Variants in FBLIM1 observed in about 807,000 individuals in gnomAD.
FBLIM1 encodes the protein filamin-binding LIM protein 1.
A neutral mutation model predicts 37.4 loss-of-function variants in FBLIM1; 29 were observed. That is an observed-to-expected ratio of 0.77 (90% CI 0.58 to 1.06). The LOEUF (loss-of-function observed/expected upper bound fraction) is 1.06. Ranked by LOEUF, FBLIM1 falls within the 50% of genes least tolerant of loss-of-function variation. The probability of loss-of-function intolerance (pLI) is 0.00; values close to 1 mark genes in which losing one functional copy is unlikely to be tolerated. For synonymous variants in FBLIM1, 193 were observed against 199.0 expected, an observed-to-expected ratio of 0.97 and a Z score of 0.25; for missense variants, 449 against 505.6, an observed-to-expected ratio of 0.89 and a Z score of 1.07.
At position 15,771,542 on chromosome 1, in the gene FBLIM1, G is replaced by T. The variant is rs190831491; in HGVS notation, c.711+964G>T. On this transcript the variant is annotated intron_variant, in intron 6 of 8. Coordinates refer to ENST00000375766, the MANE Select transcript of FBLIM1 (RefSeq NM_017556.4). ...ATTACAGGTGTGAGCCACCGCACCT[G>T]GCCCCTTTTGCAGTTTATGAAGCTG... is the stretch of plus-strand genomic sequence containing the variant. 6.0e-3 allele frequency among the ~76,000 whole-genome samples: 913 copies of T among 152,070 alleles called. 13 individuals carry two copies. The highest frequency in any genetic ancestry group is 0.021 in the African/African-American group (864 of 41,484).
rs1025722992 is a variant in FBLIM1 at position 15,784,818 on chromosome 1, G to A, written c.*157G>A. ...AGCCTGTCCAGGATACAGTGGGGCT[G>A]AGCACCCCCAGGCCTTCCACTCCTC... is the stretch of plus-strand genomic sequence containing the variant. On this transcript the variant is annotated 3_prime_UTR_variant, in exon 9 of 9. Transcript: ENST00000375766. The A allele has an allele frequency of 2.4e-5, 14 of 579,590 alleles. No homozygotes were observed. The highest frequency in any genetic ancestry group is 3.7e-5 in the Non-Finnish European group (12 of 327,028). 35.9% of individuals were successfully genotyped at this position (579,590 alleles called of 1,614,324 possible). A position where few individuals can be genotyped will look rare whatever the true frequency, so the allele number is the denominator to read the frequency against.
intron 6 of FBLIM1, among the ~76,000 whole-genome samples, chr1:15,773,821 C>T (rs892233340): frequency 2.6e-5 from 4 of 151,422 alleles, no homozygotes; most frequent in African/African-American, 4.9e-5. Context: ...GAAAGTGAGA[C>T]GAGATCAAAG....
intron 3 of FBLIM1, among the ~76,000 whole-genome samples, chr1:15,766,499 G>C (rs760857116): frequency 3.9e-5 from 6 of 151,996 alleles, no homozygotes; most frequent in African/African-American, 1.4e-4. Flanking sequence ...GTTTCACCAG[G>C]GTTGCCAGGC....
rs201095982 is a variant in FBLIM1 at position 15,770,397 on chromosome 1, C to T, written c.542-12C>T. On this transcript the variant is annotated splice_polypyrimidine_tract_variant and intron_variant, in intron 5 of 8. Transcript: ENST00000375766. ...GCTGGGCTGGTGATGGCCTGTGTCT[C>T]CCCTACCCCAGACATCTGTGCCTTC... 3.7e-6 allele frequency: 6 copies of T among 1,610,696 alleles called. No individual in the cohort carries two copies. The highest frequency in any genetic ancestry group is 1.7e-5 in the Admixed American group (1 of 59,908).
intron 8 of FBLIM1, among the ~76,000 whole-genome samples, chr1:15,782,494 G>A (rs567756669): frequency 5.1e-4 from 77 of 152,138 alleles, no homozygotes; most frequent in African/African-American, 1.7e-3. Context: ...GGTTCAGTGA[G>A]GTTTCAGCCA....
At position 15,767,573 on chromosome 1, in the gene FBLIM1, G is replaced by GC. The variant is rs1230299849; in HGVS notation, c.438+16dup. The stretch of plus-strand genomic sequence containing the variant: ...CCCGCCCCCACCACAGGTACTGCCT[G>GC]CCCCCCGACCCCCAGCAATCCCTTG... On this transcript the variant is annotated intron_variant, in intron 4 of 8. Coordinates refer to ENST00000375766, the MANE Select transcript of FBLIM1 (RefSeq NM_017556.4). The GC allele has an allele frequency of 2.1e-5, 21 of 999,820 alleles. No homozygotes were observed. The highest frequency in any genetic ancestry group is 3.2e-4 in the Middle Eastern group (1 of 3,096). 61.9% of individuals were successfully genotyped at this position (999,820 alleles called of 1,614,324 possible). A position where few individuals can be genotyped will look rare whatever the true frequency, so the allele number is the denominator to read the frequency against.
chr1:15,771,189 C>G (rs1238573412), intron 6 of FBLIM1, among the ~76,000 whole-genome samples: 1 of 150,554 alleles, frequency 6.6e-6, no homozygotes, highest in Non-Finnish European at 1.5e-5. Context: ...CCACCCACCT[C>G]GACCTCCCAA....
intron 3 of FBLIM1, among the ~76,000 whole-genome samples, chr1:15,766,891 C>G (rs78821278): frequency 2.3e-5 from 3 of 133,220 alleles, no homozygotes; most frequent in African/African-American, 8.4e-5. Context: ...CTGCACCCGG[C>G]TTTTTTTTTT....
In FBLIM1 at chr1:15,784,389, G is replaced by A. The variant is rs530567027; in HGVS notation, c.1009-159G>A. Among the ~76,000 whole-genome samples, 6 of 152,220 alleles carry A rather than the reference G, an allele frequency of 3.9e-5. No homozygotes were observed. In the South Asian group the frequency reaches 1.0e-3, roughly 26 times the overall value. ...ATCTTCCCTTATGGAGACCTGGCCC[G>A]GGTGTTGGGAGGGCAGCAGTGAGCA... On this transcript the variant is annotated intron_variant, in intron 8 of 8. Transcript: ENST00000375766.
chr1:15,766,598 A>G (rs1338682244), intron 3 of FBLIM1, among the ~76,000 whole-genome samples: 1 of 138,426 alleles, frequency 7.2e-6, no homozygotes, highest in Non-Finnish European at 1.6e-5. Flanking sequence ...CGCCCAGCCT[A>G]ATTTTTTTTT....
chr1:15,759,856 G>A (rs1324341560), intron 1 of FBLIM1, among the ~76,000 whole-genome samples: 1 of 152,192 alleles, frequency 6.6e-6, no homozygotes, highest in South Asian at 2.1e-4. Flanking sequence ...GGTGGGAGGG[G>A]TTGGGGCACA....
In FBLIM1 at chr1:15,784,703, G is replaced by A. The variant is rs767002938; in HGVS notation, c.*42G>A. On this transcript the variant is annotated 3_prime_UTR_variant, in exon 9 of 9. Coordinates refer to ENST00000375766, the MANE Select transcript of FBLIM1 (RefSeq NM_017556.4). ...GTGAACAGACCACTAGCCCCGGCTG[G>A]GGCCCTTCCCTGACTTGGTTTCCCT... 8 of 1,572,784 alleles carry A rather than the reference G, an allele frequency of 5.1e-6. No individual in the cohort carries two copies. Among genetic ancestry groups the A allele is most frequent in the African/African-American group, 1.4e-5 (1 of 74,052 alleles).
chr1:15,784,777 G>A lies in FBLIM1; in HGVS notation c.*116G>A. 1 of 863,712 alleles carries A rather than the reference G, an allele frequency of 1.2e-6. No homozygotes were observed. The highest frequency in any genetic ancestry group is 1.8e-6 in the Non-Finnish European group (1 of 552,084). The allele number at this position is 863,712 out of a possible 1,614,324, so 53.5% of individuals were successfully genotyped here. A position where few individuals can be genotyped will look rare whatever the true frequency, so the allele number is the denominator to read the frequency against. ...TCCTTCTGAGCCTCCATGGAGACCA[G>A]CCTGCAAGCCGGCCCAGCCTGTCCA... On this transcript the variant is annotated 3_prime_UTR_variant, in exon 9 of 9. Transcript: ENST00000375766.
At chr1:15,766,014 C>T (rs1206800578) in intron 3 of FBLIM1, among the ~76,000 whole-genome samples, 1 of 152,224 alleles carries the variant, frequency 6.6e-6, no homozygotes, top group Admixed American at 6.5e-5. Flanking sequence ...TGTACCAACA[C>T]AGTCACTGGG....
At chr1:15,757,234 T>A (rs910713728), upstream of FBLIM1, among the ~76,000 whole-genome samples, 1 of 152,204 alleles carries the variant, frequency 6.6e-6, no homozygotes, top group Non-Finnish European at 1.5e-5. The surrounding 1 kb of genome is among the most constrained non-coding windows in gnomAD (Gnocchi z 4.1). Context: ...CTGTAAAGGA[T>A]GGCACTGGTA....
chr1:15,773,300 T>G (rs1216075469), intron 6 of FBLIM1, among the ~76,000 whole-genome samples: 1 of 151,244 alleles, frequency 6.6e-6, no homozygotes, highest in African/African-American at 2.4e-5. Context: ...GGAGAATCAC[T>G]TGAACCCGGG....
intron 5 of FBLIM1, among the ~76,000 whole-genome samples, chr1:15,769,633 ATTTATT>A (rs1315453702): frequency 2.0e-5 from 3 of 151,682 alleles, no homozygotes; most frequent in Admixed American, 6.6e-5. Context: ...TATTTATGTT[ATTTATT>A]TTTATTTTTA....
intron 1 of FBLIM1, among the ~76,000 whole-genome samples, chr1:15,760,942 C>A (rs1365389262): frequency 6.6e-6 from 1 of 152,112 alleles, no homozygotes. Context: ...CTCCCTCTCC[C>A]GATGGGATTG....
At chr1:15,780,201 A>C (rs1402656989) in intron 8 of FBLIM1, among the ~76,000 whole-genome samples, 1 of 150,684 alleles carries the variant, frequency 6.6e-6, no homozygotes, top group Non-Finnish European at 1.5e-5. Flanking sequence ...TGAAATTCTT[A>C]AATTTTTTTT....
Sources: allele counts gnomAD v4.1 joint callset (sites outside exome capture counted in the v4.1 genomes callset), GRCh38; gene constraint gnomAD v4.1.1; non-coding constraint Gnocchi (gnomAD v3.1); transcripts MANE v1.5; gene names NCBI Gene and HGNC (gene_info 2026-07-23, HGNC 2026-07-21).